The following CNTN3 variants were observed in gnomAD, a reference collection of about 807,000 sequenced individuals.
The protein encoded by CNTN3 is contactin 3.
CNTN3 carries 60 observed loss-of-function variants against 119.1 expected under a neutral mutation model. The observed-to-expected ratio is 0.50, with a 90% CI of 0.41 to 0.62. The LOEUF is 0.62. Among genes scored for constraint, CNTN3 ranks in the 20% least tolerant of loss-of-function variants. The probability of loss-of-function intolerance (pLI) is 0.00; values close to 1 mark genes in which losing one functional copy is unlikely to be tolerated. For synonymous variants in CNTN3, 450 were observed against 438.7 expected (o/e 1.03, Z -0.32); for missense variants, 1,101 against 1,242.4 (o/e 0.89, Z 1.71).
chr3:74,349,769 C>G (rs1028441865), intron 11 of CNTN3, among the ~76,000 whole-genome samples: 1 of 152,110 alleles, frequency 6.6e-6, no homozygotes, highest in Non-Finnish European at 1.5e-5. Flanking sequence ...AGGGATTGGT[C>G]TATGGTTAAA....
At chr3:74,445,472 C>T (rs1188497879) in intron 4 of CNTN3, among the ~76,000 whole-genome samples, 1 of 152,034 alleles carries the variant, frequency 6.6e-6, no homozygotes, top group Non-Finnish European at 1.5e-5. Flanking sequence ...CCATGTTGGC[C>T]AGGCTGATCT....
intron 4 of CNTN3, among the ~76,000 whole-genome samples, chr3:74,476,233 A>T (rs1702652641): frequency 6.6e-6 from 1 of 152,230 alleles, no homozygotes; most frequent in Non-Finnish European, 1.5e-5. Flanking sequence ...AGAGGTGCAC[A>T]GGAACCTAAT....
intron 1 of CNTN3, among the ~76,000 whole-genome samples, chr3:74,543,075 C>T (rs998561320): frequency 2.0e-5 from 3 of 151,968 alleles, no homozygotes; most frequent in Non-Finnish European, 4.4e-5. Flanking sequence ...CTGCAGTGTG[C>T]TATGAGTGTA....
At chr3:74,528,450 C>A (rs78480881) in intron 1 of CNTN3, among the ~76,000 whole-genome samples, 1 of 151,860 alleles carries the variant, frequency 6.6e-6, no homozygotes, top group Non-Finnish European at 1.5e-5. Flanking sequence ...AATGTAGTGG[C>A]AACTCTAAGA....
intron 3 of CNTN3, among the ~76,000 whole-genome samples, chr3:74,498,434 G>A (rs1703103033): frequency 6.6e-6 from 1 of 151,714 alleles, no homozygotes; most frequent in Admixed American, 6.6e-5. Context: ...AAGAGGTAGA[G>A]GCAGAGAAAA....
chr3:74,456,710 T>C lies in CNTN3; in HGVS notation c.358+29746A>G, dbSNP rs75207840. Among the ~76,000 whole-genome samples the C allele has an allele frequency of 4.6e-5, 7 of 152,200 alleles. No individual in the cohort carries two copies. In the East Asian group the frequency reaches 1.2e-3, roughly 25 times the overall value. On this transcript the variant is annotated intron_variant, in intron 4 of 22. Transcript: ENST00000263665. Reference sequence around the variant, plus strand: ...TTAAATAGGAAGCCAATGACTGGTATGAAACTTCATTGTAGCTGATTCATA... The same window carrying C: ...TTAAATAGGAAGCCAATGACTGGTACGAAACTTCATTGTAGCTGATTCATA...
chr3:74,285,696 A>C (rs1702096540), intron 19 of CNTN3, among the ~76,000 whole-genome samples: 1 of 150,296 alleles, frequency 6.7e-6, no homozygotes, highest in African/African-American at 2.4e-5. Flanking sequence ...GGAGAAAAAT[A>C]ATGAACAAAT....
Position 74,425,071 on chromosome 3 carries a change from T to C in CNTN3, c.359-131A>G, listed in dbSNP as rs1409844917. 9.5e-6 allele frequency: 6 copies of C among 628,776 alleles called. No individual in the cohort carries two copies. The South Asian group carries it at 1.0e-4, about 11-fold the overall frequency. 38.9% of individuals were successfully genotyped at this position (628,776 alleles called of 1,614,324 possible). ...TTTTCTTTAAAAATTTTTATTTTTA[T>C]TTACTTAGAATTTCACCCTTTATTT... On this transcript the variant is annotated intron_variant, in intron 4 of 22. Transcript: ENST00000263665.
intron 4 of CNTN3, among the ~76,000 whole-genome samples, chr3:74,478,000 T>C (rs1174383792): frequency 6.6e-6 from 1 of 152,124 alleles, no homozygotes; most frequent in Non-Finnish European, 1.5e-5. Flanking sequence ...ACAGAAGTCA[T>C]TTCTCTCTTA....
chr3:74,603,499 T>C (rs753362654), intron 1 of CNTN3, among the ~76,000 whole-genome samples: 1 of 152,166 alleles, frequency 6.6e-6, no homozygotes, highest in Non-Finnish European at 1.5e-5. Flanking sequence ...ACAGCTCTCA[T>C]GCAACGCAGA....
At chr3:74,378,213 T>G (rs1465271962) in intron 5 of CNTN3, among the ~76,000 whole-genome samples, 2 of 152,236 alleles carry the variant, frequency 1.3e-5, no homozygotes, top group Admixed American at 6.5e-5. Context: ...GGATGCAGTA[T>G]GTACTCAATG....
intron 1 of CNTN3, among the ~76,000 whole-genome samples, chr3:74,534,668 A>T (rs541449090): frequency 6.6e-6 from 1 of 152,190 alleles, no homozygotes; most frequent in Non-Finnish European, 1.5e-5. Flanking sequence ...AGTGCAATGT[A>T]CTGTTAAGTA....
chr3:74,473,118 CTGATAGGAGCAA>C (rs1250857820), intron 4 of CNTN3, among the ~76,000 whole-genome samples: 1 of 150,640 alleles, frequency 6.6e-6, no homozygotes, highest in African/African-American at 2.4e-5. Flanking sequence ...CTACCCTCTA[CTGATAGGAGCAA>C]TGTGGTCAAT....
intron 1 of CNTN3, among the ~76,000 whole-genome samples, chr3:74,567,696 C>T (rs1363853033): frequency 1.3e-5 from 2 of 151,950 alleles, no homozygotes; most frequent in East Asian, 1.9e-4. Flanking sequence ...TGCTGACAGT[C>T]GATGATGCTT....
At chr3:74,344,010 G>T (rs761009795) in intron 11 of CNTN3, among the ~76,000 whole-genome samples, 1 of 152,186 alleles carries the variant, frequency 6.6e-6, no homozygotes, top group Non-Finnish European at 1.5e-5. Context: ...TACAATGCCT[G>T]CTGCCAAGAT....
At chr3:74,611,573 G>A (rs1313875184) in intron 1 of CNTN3, among the ~76,000 whole-genome samples, 2 of 152,076 alleles carry the variant, frequency 1.3e-5, no homozygotes, top group Non-Finnish European at 2.9e-5. Flanking sequence ...AATGAGATCT[G>A]TCACCCCTCA....
chr3:74,462,990 C>T (rs996682322), intron 4 of CNTN3, among the ~76,000 whole-genome samples: 1 of 152,116 alleles, frequency 6.6e-6, no homozygotes, highest in Admixed American at 6.6e-5. Context: ...GTGTCATTCC[C>T]GATAAACTAT....
rs1704277265 is a variant in CNTN3 at position 74,369,292 on chromosome 3, C to T, written c.843G>A (p.Val281=). ...SKIKLRKFSG[V]LEIPNFQQED... is the part of the protein sequence containing the mutation. The stretch of plus-strand genomic sequence containing the variant: ...CCTGTTGGAAGTTGGGGATTTCAAG[C>T]ACACCACTGAACTTCCTTAATTTAA... The change falls in exon 8 of 23, where the codon GTG becomes GTA. Residue 281 remains valine (V), a synonymous_variant. Coordinates refer to ENST00000263665, the MANE Select transcript of CNTN3 (RefSeq NM_020872.3). The T allele has an allele frequency of 1.2e-6, 2 of 1,611,372 alleles. No homozygotes were observed. Among genetic ancestry groups the T allele is most frequent in the African/African-American group, 1.3e-5 (1 of 74,790 alleles).
At chr3:74,383,722 C>T (rs915224089) in intron 5 of CNTN3, among the ~76,000 whole-genome samples, 19 of 152,122 alleles carry the variant, frequency 1.2e-4, no homozygotes, top group Non-Finnish European at 2.1e-4. Flanking sequence ...TTAGCACAAG[C>T]GATCCACTCA....
Sources: gnomAD v4.1 joint callset for allele counts (sites outside exome capture counted in the v4.1 genomes callset) on GRCh38, gnomAD v4.1.1 for gene constraint, MANE v1.5 for transcripts, NCBI Gene and HGNC (gene_info 2026-07-23, HGNC 2026-07-21) for gene names.